Variants in MSI2 observed in about 807,000 individuals in gnomAD.
The protein encoded by MSI2 is RNA-binding protein Musashi homolog 2.
A neutral mutation model predicts 45.6 loss-of-function variants in MSI2; 17 were observed. That is an observed-to-expected ratio of 0.37 (90% CI 0.26 to 0.56). MSI2 has a LOEUF of 0.56. MSI2 is among the 20% of genes least tolerant of loss of function. MSI2 has a pLI of 0.77. For missense variants in MSI2, 293 were observed against 444.2 expected, an observed-to-expected ratio of 0.66 and a Z score of 3.06; for synonymous variants, 156 against 158.2, an observed-to-expected ratio of 0.99 and a Z score of 0.11.
At chr17:57,693,566 G>C in the MSI2 span, among the ~76,000 whole-genome samples, 1 of 152,118 alleles carries the variant, frequency 6.6e-6, no homozygotes, top group African/African-American at 2.4e-5. Flanking sequence ...ACTCTTTCTT[G>C]TAGTTTCCCT....
chr17:57,576,015 TATTTTTC>T (rs2088037354), intron 7 of MSI2, among the ~76,000 whole-genome samples: 2 of 151,200 alleles, frequency 1.3e-5, no homozygotes, highest in South Asian at 4.2e-4. Context: ...AGCCCTGGCG[TATTTTTC>T]TTACTTAAAA....
intron 10 of MSI2, among the ~76,000 whole-genome samples, chr17:57,642,088 G>A (rs951133318): frequency 2.6e-5 from 4 of 152,226 alleles, no homozygotes; most frequent in African/African-American, 9.6e-5. Context: ...AATGATGCCT[G>A]AGGCTGGAAC....
intron 5 of MSI2, among the ~76,000 whole-genome samples, chr17:57,305,821 G>A (rs947380364): frequency 2.6e-5 from 4 of 152,054 alleles, no homozygotes; most frequent in Admixed American, 2.6e-4. Flanking sequence ...AATAATAATA[G>A]GTAACATGAC....
chr17:57,357,740 G>A (rs749051930), intron 5 of MSI2, among the ~76,000 whole-genome samples: 2 of 152,192 alleles, frequency 1.3e-5, no homozygotes, highest in Non-Finnish European at 2.9e-5. Flanking sequence ...TCTTGATCCA[G>A]TAAGAGGATT....
At chr17:57,583,230 AC>A (rs1321737304) in intron 7 of MSI2, among the ~76,000 whole-genome samples, 4 of 152,074 alleles carry the variant, frequency 2.6e-5, no homozygotes, top group Admixed American at 2.6e-4. Context: ...CATAATCTAT[AC>A]CTCCATTTAC....
chr17:57,690,447 CAAA>C, the MSI2 span, among the ~76,000 whole-genome samples: 1 of 141,646 alleles, frequency 7.1e-6, no homozygotes, highest in Non-Finnish European at 1.5e-5. Flanking sequence ...CCTATCTCTA[CAAA>C]AAAAAAAAAA....
At position 57,681,702 on chromosome 17, in the gene MSI2, G is replaced by GT. The variant is rs1021571593; in HGVS notation, c.*2192dup. The GT allele has an allele frequency of 2.1e-4, 39 of 189,142 alleles. No homozygotes were observed. The highest frequency in any genetic ancestry group is 8.0e-4 in the African/African-American group (34 of 42,330). The allele number at this position is 189,142 out of a possible 1,614,324, so 11.7% of individuals were successfully genotyped here. On this transcript the variant is annotated 3_prime_UTR_variant, in exon 14 of 14. Coordinates refer to ENST00000284073, the MANE Select transcript of MSI2 (RefSeq NM_138962.4). ...GGTTGTTTGGTGAGGTTTTTTTGTTGTTTTTTTCCTTTCTTTGTTTCTTTT... is the reference window on the plus strand; with the variant it reads ...GGTTGTTTGGTGAGGTTTTTTTGTTGTTTTTTTTCCTTTCTTTGTTTCTTTT...
chr17:57,486,725 G>A (rs1010722314), intron 6 of MSI2, among the ~76,000 whole-genome samples: 9 of 152,192 alleles, frequency 5.9e-5, no homozygotes, highest in African/African-American at 1.7e-4. Flanking sequence ...TCCATCCTGA[G>A]TGTGGGAAGG....
chr17:57,520,187 C>A (rs1232843975), intron 6 of MSI2, among the ~76,000 whole-genome samples: 1 of 152,054 alleles, frequency 6.6e-6, no homozygotes, highest in East Asian at 1.9e-4. Flanking sequence ...TTATAACAAT[C>A]ATTATTTCAG....
intron 5 of MSI2, among the ~76,000 whole-genome samples, chr17:57,291,758 T>C (rs1253883817): frequency 6.6e-6 from 1 of 152,114 alleles, no homozygotes; most frequent in Admixed American, 6.5e-5. Context: ...CTTGTCCTGC[T>C]TGTGGCCAGA....
At chr17:57,263,218 A>G (rs150000225) in intron 5 of MSI2, among the ~76,000 whole-genome samples, 67 of 152,302 alleles carry the variant, frequency 4.4e-4, no homozygotes, top group African/African-American at 1.5e-3. Context: ...TGAGAATTTC[A>G]GGTCTGGGGC....
rs1327159954 is a variant in MSI2 at position 57,256,550 on chromosome 17, C to A, written c.-193C>A. The A allele has an allele frequency of 2.8e-5, 10 of 351,092 alleles. No individual in the cohort carries two copies. The highest frequency in any genetic ancestry group is 4.8e-5 in the African/African-American group (2 of 41,602). The allele number at this position is 351,092 out of a possible 1,614,324, so 21.7% of individuals were successfully genotyped here. A position where few individuals can be genotyped will look rare whatever the true frequency, so the allele number is the denominator to read the frequency against. ...GCGAGGCAGCGGGGCTGAGCTAAGCCGAGCCCACGTGTGACGGCTCTCGCC... is the reference window on the plus strand; with the variant it reads ...GCGAGGCAGCGGGGCTGAGCTAAGCAGAGCCCACGTGTGACGGCTCTCGCC... On this transcript the variant is annotated 5_prime_UTR_variant, in exon 1 of 14. Transcript: ENST00000284073.
chr17:57,498,438 C>T (rs561599064), intron 6 of MSI2, among the ~76,000 whole-genome samples: 80 of 152,360 alleles, frequency 5.3e-4, no homozygotes, highest in African/African-American at 1.9e-3. Context: ...GATGAGAACA[C>T]GAAAGCTGTT....
chr17:57,308,946 T>C (rs1912141787), intron 5 of MSI2, among the ~76,000 whole-genome samples: 2 of 152,122 alleles, frequency 1.3e-5, no homozygotes, highest in African/African-American at 4.8e-5. Context: ...CTGAGTTCAG[T>C]TACTCGTGCA....
chr17:57,609,659 A>G (rs1459971804), intron 8 of MSI2, among the ~76,000 whole-genome samples: 3 of 152,226 alleles, frequency 2.0e-5, no homozygotes, highest in Admixed American at 2.0e-4. Context: ...AAAGCTTGGC[A>G]TACTCCTCAG....
intron 7 of MSI2, among the ~76,000 whole-genome samples, chr17:57,595,317 T>C (rs948979865): frequency 1.2e-4 from 15 of 123,304 alleles, no homozygotes; most frequent in African/African-American, 4.1e-4. Flanking sequence ...TTTGTCTTCC[T>C]GCTTGGTGTG....
chr17:57,305,769 C>T (rs1911828392), intron 5 of MSI2, among the ~76,000 whole-genome samples: 1 of 152,178 alleles, frequency 6.6e-6, no homozygotes, highest in Non-Finnish European at 1.5e-5. Context: ...TGTTCCTTCT[C>T]TGCCATTGAG....
the MSI2 span, among the ~76,000 whole-genome samples, chr17:57,699,355 T>G: frequency 6.7e-6 from 1 of 150,206 alleles, no homozygotes. Context: ...CTCACTAGAG[T>G]CATTTGAGAG....
At chr17:57,595,912 G>A (rs1375204290) in intron 7 of MSI2, among the ~76,000 whole-genome samples, 1 of 152,228 alleles carries the variant, frequency 6.6e-6, no homozygotes, top group Admixed American at 6.5e-5. Flanking sequence ...ACATAAAGTA[G>A]ATGCACAGTG....
Sources: allele counts gnomAD v4.1 joint callset (sites outside exome capture counted in the v4.1 genomes callset), GRCh38; gene constraint gnomAD v4.1.1; transcripts MANE v1.5; gene names NCBI Gene and HGNC (gene_info 2026-07-23, HGNC 2026-07-21).